The following CCNC variants were observed in gnomAD, a reference collection of about 807,000 sequenced individuals.
The protein encoded by CCNC is cyclin C.
A neutral mutation model predicts 50.0 loss-of-function variants in CCNC; 19 were observed. The ratio of observed to expected loss-of-function variants is 0.38; its 90% CI spans 0.27 to 0.56. CCNC has a LOEUF of 0.56. CCNC is among the 20% of genes least tolerant of loss of function. The pLI is 0.72. For synonymous variants in CCNC, 93 were observed against 103.7 expected, an observed-to-expected ratio of 0.90 and a Z score of 0.63; for missense variants, 200 against 327.1, an observed-to-expected ratio of 0.61 and a Z score of 3.00.
At chr6:99,566,981 G>A in intron 1 of CCNC, 1 of 454,206 alleles carries the variant, frequency 2.2e-6, no homozygotes, top group Non-Finnish European at 4.4e-6. Context: ...TTCCAGATAA[G>A]AAACTCCATG....
At chr6:99,558,414 T>G (rs989215649) in intron 5 of CCNC, 83 bp downstream of exon 5, 5 of 1,562,692 alleles carry the variant, frequency 3.2e-6, no homozygotes, top group Non-Finnish European at 3.4e-6. Flanking sequence ...ATATGTCTCA[T>G]AAACTAAAAA....
intron 5 of CCNC, among the ~76,000 whole-genome samples, chr6:99,555,509 T>A (rs1427055440): frequency 6.6e-6 from 1 of 151,652 alleles, no homozygotes; most frequent in East Asian, 1.9e-4. Flanking sequence ...ATAATCACAG[T>A]TTACTGCAGC....
intron 4 of CCNC, among the ~76,000 whole-genome samples, chr6:99,558,775 C>T (rs112103815): frequency 2.9e-4 from 44 of 152,244 alleles, no homozygotes; most frequent in African/African-American, 1.0e-3. Context: ...ACTGGTTGAG[C>T]ATCCCTAATC....
rs755465293 is a variant in CCNC, at chr6:99,558,501, A to G, written c.342T>C (p.Ser114=). Residue 114 remains serine, a synonymous_variant, in exon 5 of 12, where the codon TCT becomes TCC. Coordinates refer to ENST00000520429, the MANE Select transcript of CCNC (RefSeq NM_005190.4). The part of the protein sequence containing the change: ...SNTRLIAAAT[S]VLKTRFSYAF... Reference sequence around the variant, plus strand: ...AGATATACTTTTTGCACTTACATACAGAAGTAGCAGCAGCAATCAATCTTG... The same window carrying G: ...AGATATACTTTTTGCACTTACATACGGAAGTAGCAGCAGCAATCAATCTTG... The G allele has an allele frequency of 1.8e-5, 29 of 1,611,302 alleles. No homozygotes were observed. The South Asian group carries it at 3.1e-4, about 17-fold the overall frequency.
At chr6:99,566,141 T>G (rs1228715619) in intron 1 of CCNC, among the ~76,000 whole-genome samples, 2 of 152,026 alleles carry the variant, frequency 1.3e-5, no homozygotes, top group Admixed American at 1.3e-4. Flanking sequence ...TAATTTTGTA[T>G]TTTTGTATCA....
chr6:99,550,998 G>C lies in CCNC; in HGVS notation c.433C>G (p.Leu145Val). Residue 145 changes from leucine to valine, a missense_variant, in exon 7 of 12, where the codon CTA (leucine) becomes GTA (valine). Leu to Val is a conservative substitution (Grantham distance 32). Coordinates refer to ENST00000520429, the MANE Select transcript of CCNC (RefSeq NM_005190.4). ...ILECEFYLLE[L>V]MDCCLIVYHP... Reference sequence around the variant, plus strand: ...ATCACAGAAGATTTACTTACCATTAGTTCTAACAGATAGAATTCACATTCT... The same window carrying C: ...ATCACAGAAGATTTACTTACCATTACTTCTAACAGATAGAATTCACATTCT... 9.3e-7 allele frequency: 1 copy of C among 1,073,160 alleles called. No homozygotes were observed. Among genetic ancestry groups the C allele is most frequent in the Non-Finnish European group, 1.3e-6 (1 of 766,746 alleles). The allele number at this position is 1,073,160 out of a possible 1,614,324, so 66.5% of individuals were successfully genotyped here. A position where few individuals can be genotyped will look rare whatever the true frequency, so the allele number is the denominator to read the frequency against.
rs1802312100 is a variant in CCNC at position 99,551,829 on chromosome 6, C to A, written c.402+11G>T. The A allele has an allele frequency of 1.6e-5, 22 of 1,376,008 alleles. No homozygotes were observed. Among genetic ancestry groups the A allele is most frequent in the Non-Finnish European group, 2.1e-5 (21 of 1,023,792 alleles). 85.2% of individuals were successfully genotyped at this position (1,376,008 alleles called of 1,614,324 possible). A position where few individuals can be genotyped will look rare whatever the true frequency, so the allele number is the denominator to read the frequency against. ...CTTTGATAATTGTTCCATTTTATATCATATACTTACATGATTCATCCTATA... is the reference window on the plus strand; with the variant it reads ...CTTTGATAATTGTTCCATTTTATATAATATACTTACATGATTCATCCTATA... On this transcript the variant is annotated intron_variant, in intron 6 of 11. Coordinates refer to ENST00000520429, the MANE Select transcript of CCNC (RefSeq NM_005190.4).
chr6:99,551,522 TGG>T (rs1802298386), intron 6 of CCNC, among the ~76,000 whole-genome samples: 1 of 152,192 alleles, frequency 6.6e-6, no homozygotes, highest in East Asian at 1.9e-4. Flanking sequence ...TAGTATCACC[TGG>T]GACCTTTTAC....
chr6:99,560,658 T>C (rs1240206673), intron 4 of CCNC, among the ~76,000 whole-genome samples: 2 of 152,262 alleles, frequency 1.3e-5, no homozygotes, highest in Admixed American at 1.3e-4. Context: ...GGACTTTAGC[T>C]GAGCTCTTTC....
Position 99,543,531 on chromosome 6 carries a change from C to T in CCNC, c.*24G>A. 6.2e-7 allele frequency: 1 copy of T among 1,611,882 alleles called. No homozygotes were observed. Among genetic ancestry groups the T allele is most frequent in the South Asian group, 1.1e-5 (1 of 90,922 alleles). ...TCCAATGGTTTATTTCCAAGTGGTC[C>T]ACTATGGAATTCTTCGGAATGTTTT... On this transcript the variant is annotated 3_prime_UTR_variant, in exon 12 of 12. Coordinates refer to ENST00000520429, the MANE Select transcript of CCNC (RefSeq NM_005190.4).
intron 9 of CCNC, chr6:99,549,288 CAA>C (rs34144372): frequency 0.16 from 75,616 of 483,578 alleles, 1,786 homozygotes; most frequent in African/African-American, 0.25. Context: ...TGAATGGTTT[CAA>C]AAAAAAAAAA....
Position 99,568,489 on chromosome 6 carries a change from C to G in CCNC, c.32+7G>C. The G allele has an allele frequency of 6.2e-7, 1 of 1,612,202 alleles. No homozygotes were observed. The highest frequency in any genetic ancestry group is 8.5e-7 in the Non-Finnish European group (1 of 1,179,062). ...GGCCCCAGGTGAGAAGACGGAAGAT[C>G]GCTTACTAGTGGGAGCTCTGCCAAA... On this transcript the variant is annotated splice_region_variant and intron_variant, in intron 1 of 11. Coordinates refer to ENST00000520429, the MANE Select transcript of CCNC (RefSeq NM_005190.4).
At position 99,553,039 on chromosome 6, in the gene CCNC, C is replaced by CA. The variant is rs11325067; in HGVS notation, c.347-1145dup. ...TCTGGGTGACAGTGAGACTCCATCT[C>CA]AAAAAAAAAAAAAGAAAGAAATTCC... On this transcript the variant is annotated intron_variant, in intron 5 of 11. Coordinates refer to ENST00000520429, the MANE Select transcript of CCNC (RefSeq NM_005190.4). Among the ~76,000 whole-genome samples, 1,042 of 144,466 alleles carry CA rather than the reference C, an allele frequency of 7.2e-3. 3 individuals carry two copies. The highest frequency in any genetic ancestry group is 0.034 in the Middle Eastern group (10 of 292). 94.8% of individuals were successfully genotyped at this position (144,466 alleles called of 152,430 possible).
At chr6:99,544,402 A>G in intron 11 of CCNC, 1 of 753,208 alleles carries the variant, frequency 1.3e-6, no homozygotes, top group South Asian at 2.0e-5. Flanking sequence ...ATCTTGTTAT[A>G]TAACAATCAT....
intron 11 of CCNC, chr6:99,544,287 A>T (rs1460108934): frequency 1.6e-5 from 24 of 1,534,616 alleles, no homozygotes; most frequent in Non-Finnish European, 2.0e-5. Flanking sequence ...CAAAAAATGC[A>T]TCCAAAGGTA....
At position 99,549,494 on chromosome 6, in the gene CCNC, C is replaced by G; in HGVS notation, c.598+14G>C. On this transcript the variant is annotated intron_variant, in intron 9 of 11. Coordinates refer to ENST00000520429, the MANE Select transcript of CCNC (RefSeq NM_005190.4). ...TAACAATTTAACTCATAAAGGCACA[C>G]CATGCTTACATACCTAAAGCTATCA... The G allele has an allele frequency of 6.3e-7, 1 of 1,580,920 alleles. No individual in the cohort carries two copies. The highest frequency in any genetic ancestry group is 8.7e-7 in the Non-Finnish European group (1 of 1,150,574).
intron 5 of CCNC, 101 bp from the exon 6 acceptor site, chr6:99,551,996 T>C (rs1460158743): frequency 2.8e-6 from 2 of 723,686 alleles, no homozygotes; most frequent in Non-Finnish European, 2.0e-6. Context: ...AGCAAAATTA[T>C]TTTCAGTAGG....
At chr6:99,566,963 G>A (rs1342032647) in intron 1 of CCNC, 6 of 453,864 alleles carry the variant, frequency 1.3e-5, no homozygotes, top group African/African-American at 8.0e-5. Flanking sequence ...TTCCACACTC[G>A]TTACCTTTTC....
intron 1 of CCNC, 153 bp downstream of exon 1, chr6:99,568,343 G>A: frequency 1.4e-6 from 1 of 712,302 alleles, no homozygotes; most frequent in Admixed American, 2.7e-5. Context: ...AGTCGCCTCA[G>A]AAAAGCGCAT....
Sources: allele counts gnomAD v4.1 joint callset (sites outside exome capture counted in the v4.1 genomes callset), GRCh38; gene constraint gnomAD v4.1.1; transcripts MANE v1.5; gene names NCBI Gene and HGNC (gene_info 2026-07-23, HGNC 2026-07-21).